The following TCF12 variants were observed in gnomAD, a reference collection of about 807,000 sequenced individuals.
TCF12 encodes DNA-binding protein HTF4.
Under a neutral mutation model 86.0 loss-of-function variants are expected in TCF12, and 45 were observed. The observed-to-expected ratio is 0.52, with a 90% CI of 0.41 to 0.67. TCF12 has a LOEUF of 0.67. Among genes scored for constraint, TCF12 ranks in the 30% least tolerant of loss-of-function variants. TCF12 has a pLI of 0.00. For synonymous variants in TCF12, 330 were observed against 299.6 expected, an observed-to-expected ratio of 1.10 and a Z score of -1.05; for missense variants, 881 against 859.9, an observed-to-expected ratio of 1.02 and a Z score of -0.31.
chr15:57,063,838 C>T lies in TCF12; in HGVS notation c.222+15C>T. The T allele has an allele frequency of 6.4e-7, 1 of 1,567,606 alleles. No homozygotes were observed. The highest frequency in any genetic ancestry group is 8.7e-7 in the Non-Finnish European group (1 of 1,145,882). On this transcript the variant is annotated intron_variant, in intron 4 of 20. Transcript: ENST00000333725. ...ATTCATCTAGAGTAAGTTTGCTGAT[C>T]AACCCTTGATTAAAGCTGTAATTTG...
At chr15:57,211,968 A>G (rs1195264697) in intron 8 of TCF12, among the ~76,000 whole-genome samples, 6 of 10,822 alleles carry the variant, frequency 5.5e-4, no homozygotes, top group Non-Finnish European at 2.5e-3. Flanking sequence ...ACACACACGC[A>G]CACACACACA....
intron 3 of TCF12, among the ~76,000 whole-genome samples, chr15:57,013,492 T>C (rs759375397): frequency 5.3e-5 from 8 of 152,176 alleles, no homozygotes; most frequent in Admixed American, 3.3e-4. Flanking sequence ...AGCTGATTTT[T>C]GTATTTTCAG....
intron 3 of TCF12, among the ~76,000 whole-genome samples, chr15:57,053,479 A>C (rs2067777599): frequency 6.6e-6 from 1 of 152,124 alleles, no homozygotes; most frequent in African/African-American, 2.4e-5. Context: ...ATGTAGTCCC[A>C]CTTGTCTGTT....
At chr15:57,127,070 C>T (rs1232325832) in intron 5 of TCF12, among the ~76,000 whole-genome samples, 4 of 151,466 alleles carry the variant, frequency 2.6e-5, no homozygotes, top group Admixed American at 2.6e-4. Flanking sequence ...GCAACCTCCA[C>T]CTCCTGGATT....
chr15:56,942,307 G>A (rs551328206), intron 3 of TCF12, among the ~76,000 whole-genome samples: 1 of 152,302 alleles, frequency 6.6e-6, no homozygotes, highest in Admixed American at 6.5e-5. Flanking sequence ...ACTTTTTGGT[G>A]AAGATACTGA....
chr15:57,155,231 A>G (rs1336609665), intron 5 of TCF12, among the ~76,000 whole-genome samples: 2 of 151,428 alleles, frequency 1.3e-5, no homozygotes, highest in South Asian at 4.2e-4. Context: ...TTCATTCCTC[A>G]TTCCTCCATT....
intron 3 of TCF12, among the ~76,000 whole-genome samples, chr15:57,025,277 A>G (rs2065754537): frequency 6.6e-6 from 1 of 152,032 alleles, no homozygotes; most frequent in African/African-American, 2.4e-5. Flanking sequence ...AGGAGGTTTC[A>G]CCATGTTGGC....
At chr15:56,920,159 A>G (rs543805588) in intron 2 of TCF12, among the ~76,000 whole-genome samples, 171 bp downstream of exon 2, 1 of 152,188 alleles carries the variant, frequency 6.6e-6, no homozygotes, top group Admixed American at 6.5e-5. Flanking sequence ...CAGCTCCCCC[A>G]AGTTGGACAC....
intron 3 of TCF12, among the ~76,000 whole-genome samples, chr15:56,992,944 A>G (rs1001647886): frequency 2.0e-4 from 31 of 152,304 alleles, no homozygotes; most frequent in Admixed American, 1.8e-3. Flanking sequence ...GATTAACCAC[A>G]TGCACCCCGT....
intron 6 of TCF12, among the ~76,000 whole-genome samples, chr15:57,169,047 A>AAAAT (rs1211474799): frequency 1.4e-4 from 22 of 152,256 alleles, no homozygotes; most frequent in South Asian, 4.1e-4. Flanking sequence ...TTCTGTCTCA[A>AAAAT]AAATAAATAA....
intron 6 of TCF12, among the ~76,000 whole-genome samples, chr15:57,170,689 A>ATATT (rs71113072): frequency 1.7e-4 from 4 of 23,562 alleles, no homozygotes; most frequent in African/African-American, 4.4e-4. Flanking sequence ...TATTATATAT[A>ATATT]ATATATATTA....
chr15:57,224,894 A>ACTAT (rs773708626), intron 8 of TCF12, among the ~76,000 whole-genome samples: 6 of 152,064 alleles, frequency 3.9e-5, no homozygotes, highest in Non-Finnish European at 7.4e-5. Context: ...TTTTACTGGA[A>ACTAT]CTATCTAAAT....
At chr15:57,167,144 A>G (rs1467086501) in intron 6 of TCF12, among the ~76,000 whole-genome samples, 4 of 152,256 alleles carry the variant, frequency 2.6e-5, no homozygotes, top group African/African-American at 9.6e-5. Context: ...AGGCATGGGC[A>G]TGTGAGCCGG....
intron 3 of TCF12, among the ~76,000 whole-genome samples, chr15:57,048,095 A>G (rs558182282): frequency 5.3e-5 from 8 of 152,218 alleles, no homozygotes; most frequent in Non-Finnish European, 1.2e-4. Flanking sequence ...TTACATATGA[A>G]TTTTCTACCT....
At chr15:57,105,278 G>A (rs1275773272) in intron 5 of TCF12, among the ~76,000 whole-genome samples, 1 of 152,170 alleles carries the variant, frequency 6.6e-6, no homozygotes, top group South Asian at 2.1e-4. Flanking sequence ...AGAATGCCTT[G>A]TATCGCCATC....
At chr15:57,222,677 A>C (rs1193345514) in intron 8 of TCF12, among the ~76,000 whole-genome samples, 1 of 150,090 alleles carries the variant, frequency 6.7e-6, no homozygotes, top group East Asian at 2.0e-4. Context: ...ATTTGAGTAA[A>C]TTTTGTCCTT....
chr15:57,258,314 G>A (rs1007841186), intron 16 of TCF12, among the ~76,000 whole-genome samples: 1 of 152,130 alleles, frequency 6.6e-6, no homozygotes, highest in Non-Finnish European at 1.5e-5. Flanking sequence ...AATTTCATTG[G>A]AGCAATAAAA....
chr15:57,207,914 A>C (rs985881261), intron 8 of TCF12, among the ~76,000 whole-genome samples: 1 of 152,138 alleles, frequency 6.6e-6, no homozygotes, highest in Non-Finnish European at 1.5e-5. Context: ...AGTCAGGAGA[A>C]TATGAATCCC....
chr15:56,959,274 G>A (rs980445675), intron 3 of TCF12, among the ~76,000 whole-genome samples: 1 of 152,138 alleles, frequency 6.6e-6, no homozygotes, highest in Non-Finnish European at 1.5e-5. Flanking sequence ...TTTCTGCTAC[G>A]AATATAATAA....
Sources: allele counts gnomAD v4.1 joint callset (sites outside exome capture counted in the v4.1 genomes callset), GRCh38; gene constraint gnomAD v4.1.1; transcripts MANE v1.5; gene names NCBI Gene and HGNC (gene_info 2026-07-23, HGNC 2026-07-21).